TRIP4: variants seen among roughly 807,000 people sequenced by gnomAD.
TRIP4 encodes thyroid hormone receptor interactor 4, also known as activating signal cointegrator 1.
A neutral mutation model predicts 81.8 loss-of-function variants in TRIP4; 54 were observed. That is an observed-to-expected ratio of 0.66 (90% CI 0.53 to 0.83). The LOEUF is 0.83. Ranked by LOEUF, TRIP4 falls within the 40% of genes least tolerant of loss-of-function variation. TRIP4 has a pLI of 0.00. For missense variants in TRIP4, 662 were observed against 683.6 expected (o/e 0.97, Z 0.35); for synonymous variants, 270 against 242.8 (o/e 1.11, Z -1.04).
chr15:64,445,326 T>G, intron 12 of TRIP4: 1 of 308,040 alleles, frequency 3.2e-6, no homozygotes, highest in East Asian at 6.2e-5. Flanking sequence ...GTCTAGATTT[T>G]TATAAAATCT....
intron 9 of TRIP4, 112 bp downstream of exon 9, chr15:64,418,840 C>T: frequency 1.0e-6 from 1 of 981,058 alleles, no homozygotes; most frequent in Non-Finnish European, 1.4e-6. Flanking sequence ...TTATAATACT[C>T]TTCAATAAAT....
intron 11 of TRIP4, among the ~76,000 whole-genome samples, chr15:64,443,156 CA>C (rs1779543932): frequency 6.6e-6 from 1 of 152,108 alleles, no homozygotes; most frequent in African/African-American, 2.4e-5. Flanking sequence ...GCAGGGAGTA[CA>C]GATAATCTTT....
chr15:64,418,935 T>C (rs1036302219), intron 9 of TRIP4, among the ~76,000 whole-genome samples: 2 of 152,132 alleles, frequency 1.3e-5, no homozygotes, highest in African/African-American at 2.4e-5. Context: ...TTGACAAATA[T>C]AGTAGTAGTT....
At chr15:64,420,716 TA>T (rs1328063123) in intron 9 of TRIP4, among the ~76,000 whole-genome samples, 2 of 151,680 alleles carry the variant, frequency 1.3e-5, no homozygotes, top group Non-Finnish European at 1.5e-5. Flanking sequence ...GTGTTTTTAC[TA>T]GAGATGGTGT....
chr15:64,398,201 TTC>T (rs1900350714), intron 4 of TRIP4, among the ~76,000 whole-genome samples: 1 of 151,954 alleles, frequency 6.6e-6, no homozygotes, highest in Non-Finnish European at 1.5e-5. Context: ...GTGCCTGGCT[TTC>T]TCTTTTTCTT....
chr15:64,443,239 A>G (rs1333785784), intron 11 of TRIP4, among the ~76,000 whole-genome samples: 1 of 152,172 alleles, frequency 6.6e-6, no homozygotes, highest in Non-Finnish European at 1.5e-5. Flanking sequence ...TCTGGATAAG[A>G]GATTTTGTTT....
intron 11 of TRIP4, among the ~76,000 whole-genome samples, chr15:64,430,627 C>T (rs780426236): frequency 4.6e-5 from 7 of 152,120 alleles, no homozygotes; most frequent in African/African-American, 1.2e-4. Flanking sequence ...TTTGTTTCTA[C>T]GTGTCTGTGT....
chr15:64,429,635 C>G (rs1302590122), intron 11 of TRIP4, among the ~76,000 whole-genome samples: 12 of 152,174 alleles, frequency 7.9e-5, no homozygotes, highest in Admixed American at 7.9e-4. Flanking sequence ...CCCAAACATG[C>G]ACTACCTATT....
At chr15:64,407,521 G>A (rs1348008750) in intron 6 of TRIP4, among the ~76,000 whole-genome samples, 1 of 152,088 alleles carries the variant, frequency 6.6e-6, no homozygotes, top group South Asian at 2.1e-4. Context: ...AAAAAAATTA[G>A]CCAAGCGTGG....
chr15:64,436,654 A>G (rs1892407604), intron 11 of TRIP4, among the ~76,000 whole-genome samples: 1 of 147,674 alleles, frequency 6.8e-6, no homozygotes, highest in South Asian at 2.1e-4. Flanking sequence ...TTTCCTCCCT[A>G]ACAGGATTAA....
chr15:64,409,286 C>G (rs1430262551), intron 6 of TRIP4, among the ~76,000 whole-genome samples: 2 of 152,036 alleles, frequency 1.3e-5, no homozygotes, highest in Non-Finnish European at 2.9e-5. Context: ...AGGCTGGATC[C>G]CAGTTACAGA....
At chr15:64,408,720 T>A (rs1432114830) in intron 6 of TRIP4, among the ~76,000 whole-genome samples, 1 of 152,156 alleles carries the variant, frequency 6.6e-6, no homozygotes, top group Non-Finnish European at 1.5e-5. Context: ...ACTCAACTTC[T>A]ATGAGCCCCA....
At chr15:64,391,195 C>T (rs899393546) in intron 1 of TRIP4, among the ~76,000 whole-genome samples, 4 of 151,596 alleles carry the variant, frequency 2.6e-5, no homozygotes, top group South Asian at 2.1e-4. Flanking sequence ...CTCACTCTGT[C>T]GCCCAGGCTG....
chr15:64,432,007 C>T (rs1053860502), intron 11 of TRIP4, among the ~76,000 whole-genome samples: 2 of 149,266 alleles, frequency 1.3e-5, no homozygotes, highest in Non-Finnish European at 1.5e-5. Flanking sequence ...CTGCCTCAGC[C>T]TCCTGAGTAG....
intron 8 of TRIP4, among the ~76,000 whole-genome samples, chr15:64,417,616 T>TG (rs1891916514): frequency 6.6e-6 from 1 of 152,214 alleles, no homozygotes; most frequent in Non-Finnish European, 1.5e-5. Flanking sequence ...TCTCCTGTAA[T>TG]TACCTGTACC....
intron 8 of TRIP4, among the ~76,000 whole-genome samples, chr15:64,415,296 G>C (rs1230714220): frequency 2.0e-5 from 3 of 152,138 alleles, no homozygotes; most frequent in Non-Finnish European, 4.4e-5. Context: ...AGCAGCGTGA[G>C]AGCATTGCAG....
At chr15:64,421,084 C>T (rs796288801) in intron 9 of TRIP4, among the ~76,000 whole-genome samples, 14 of 149,788 alleles carry the variant, frequency 9.3e-5, no homozygotes, top group African/African-American at 3.2e-4. Context: ...CCGAGGTGGG[C>T]GGATCACAAG....
intron 10 of TRIP4, 196 bp downstream of exon 10, chr15:64,424,351 A>G (rs1892091240): frequency 1.5e-6 from 1 of 645,464 alleles, no homozygotes; most frequent in South Asian, 3.4e-5. Flanking sequence ...GCAAATAAAA[A>G]TATCAATTTC....
rs748828135 is a variant in TRIP4 at position 64,393,978 on chromosome 15, T to TA, written c.135dup (p.Arg46ThrfsTer6). 1.2e-5 allele frequency: 20 copies of TA among 1,606,778 alleles called. No homozygotes were observed. In the East Asian group the frequency reaches 4.5e-4, roughly 36 times the overall value. On this transcript the variant is annotated frameshift_variant, in exon 2 of 13. Transcript: ENST00000261884. LOFTEE classifies it high-confidence loss of function. ...TTGTCAATTGAGAGTGCTGAAGAGA[T>TA]ACGAGAATATGTTACTGATCTCCTC... is the stretch of plus-strand genomic sequence containing the variant.
Sources: gnomAD v4.1 joint callset for allele counts (sites outside exome capture counted in the v4.1 genomes callset) on GRCh38, gnomAD v4.1.1 for gene constraint, MANE v1.5 for transcripts, NCBI Gene and HGNC (gene_info 2026-07-23, HGNC 2026-07-21) for gene names.